Variants in PIKFYVE observed in about 807,000 individuals in gnomAD.
PIKFYVE encodes phosphoinositide kinase, FYVE-type zinc finger containing.
PIKFYVE carries 122 observed loss-of-function variants against 257.9 expected under a neutral mutation model. The observed-to-expected ratio is 0.47, with a 90% CI of 0.41 to 0.55. The LOEUF is 0.55. Ranked by LOEUF, PIKFYVE falls within the 20% of genes least tolerant of loss-of-function variation. The pLI is 0.00. For synonymous variants in PIKFYVE, 892 were observed against 868.9 expected, an observed-to-expected ratio of 1.03 and a Z score of -0.47; for missense variants, 2,160 against 2,536.6, an observed-to-expected ratio of 0.85 and a Z score of 3.19.
chr2:208,342,734 A>G, intron 32 of PIKFYVE, 85 bp downstream of exon 32: 1 of 1,087,776 alleles, frequency 9.2e-7, no homozygotes, highest in Non-Finnish European at 1.4e-6. Flanking sequence ...AATCTTTCAC[A>G]TAAAGCAAAA....
intron 21 of PIKFYVE, among the ~76,000 whole-genome samples, chr2:208,329,640 T>C (rs550220950): frequency 6.6e-6 from 1 of 152,326 alleles, no homozygotes; most frequent in Non-Finnish European, 1.5e-5. Flanking sequence ...CACTAGTGGA[T>C]TGGGAGTGAA....
intron 5 of PIKFYVE, among the ~76,000 whole-genome samples, chr2:208,279,634 A>G (rs1163729491): frequency 6.6e-6 from 1 of 152,192 alleles, no homozygotes; most frequent in Non-Finnish European, 1.5e-5. Context: ...CAGCTATTCC[A>G]GTGCCATTTA....
chr2:208,276,749 T>C lies in PIKFYVE; in HGVS notation c.360T>C (p.His120=). The C allele has an allele frequency of 1.2e-6, 2 of 1,613,778 alleles. No homozygotes were observed. Among genetic ancestry groups the C allele is most frequent in the Middle Eastern group, 1.7e-4 (1 of 6,060 alleles). The change falls in exon 4 of 42, where the codon CAT becomes CAC. Residue 120 remains histidine (H), a synonymous_variant. Coordinates refer to ENST00000264380, the MANE Select transcript of PIKFYVE (RefSeq NM_015040.4). ...AAGCAGAACCTACCTTTGGAGGTCA[T>C]GACCCTCGTACAGCTGTTCAGCTTC... ...RRKAEPTFGG[H]DPRTAVQLRS...
At chr2:208,342,414 T>A (rs1394517463) in intron 31 of PIKFYVE, 140 bp from the exon 32 acceptor site, 4 of 651,812 alleles carry the variant, frequency 6.1e-6, no homozygotes, top group Non-Finnish European at 7.9e-6. Context: ...ATTTTCTAAT[T>A]GCCTTCAAAA....
At chr2:208,305,311 T>A in intron 12 of PIKFYVE, 1 of 1,262,040 alleles carries the variant, frequency 7.9e-7, no homozygotes, top group African/African-American at 1.5e-5. Context: ...AGGTGGCATT[T>A]CTTTGCATTT....
At chr2:208,288,894 A>G in intron 7 of PIKFYVE, 76 bp downstream of exon 7, 1 of 1,557,574 alleles carries the variant, frequency 6.4e-7, no homozygotes, top group Non-Finnish European at 8.8e-7. Flanking sequence ...CAAACGGATA[A>G]AAAGGGTGGG....
chr2:208,305,308 A>G lies in PIKFYVE; in HGVS notation c.1636+295A>G, dbSNP rs185081064. On this transcript the variant is annotated intron_variant, in intron 12 of 41. Coordinates refer to ENST00000264380, the MANE Select transcript of PIKFYVE (RefSeq NM_015040.4). ...CATAATGTGCAACTTCCAAGGTGGC[A>G]TTTCTTTGCATTTATAACATGGATG... 1.3e-4 allele frequency: 166 copies of G among 1,260,236 alleles called. No individual in the cohort carries two copies. In the African/African-American group the frequency reaches 2.1e-3, roughly 16 times the overall value. The allele number at this position is 1,260,236 out of a possible 1,614,324, so 78.1% of individuals were successfully genotyped here.
chr2:208,288,658 G>A lies in PIKFYVE; in HGVS notation c.822-71G>A, dbSNP rs946945953. 7.5e-6 allele frequency: 12 copies of A among 1,592,250 alleles called. No homozygotes were observed. The African/African-American group carries it at 1.5e-4, about 20-fold the overall frequency. On this transcript the variant is annotated intron_variant, in intron 6 of 41. Coordinates refer to ENST00000264380, the MANE Select transcript of PIKFYVE (RefSeq NM_015040.4). Reference sequence around the variant, plus strand: ...GAAAAAGATTAAATCTGCTTTTAATGTTAAAGCGCCTCATTGAAATTCCCT... The same window carrying A: ...GAAAAAGATTAAATCTGCTTTTAATATTAAAGCGCCTCATTGAAATTCCCT...
chr2:208,292,196 T>A (rs1469608447), intron 7 of PIKFYVE, among the ~76,000 whole-genome samples: 1 of 152,112 alleles, frequency 6.6e-6, no homozygotes, highest in Admixed American at 6.5e-5. Flanking sequence ...AAATTTTTTA[T>A]GGTGTGTTTT....
chr2:208,286,785 G>A (rs1164303843), intron 6 of PIKFYVE, among the ~76,000 whole-genome samples: 1 of 151,686 alleles, frequency 6.6e-6, no homozygotes, highest in African/African-American at 2.4e-5. Flanking sequence ...TTCCCAAAGT[G>A]CTGAGATTAC....
At chr2:208,285,654 T>C in intron 5 of PIKFYVE, 72 bp from the exon 6 acceptor site, 2 of 1,342,208 alleles carry the variant, frequency 1.5e-6, no homozygotes, top group Non-Finnish European at 2.1e-6. Context: ...TTAAAAAAGT[T>C]ACGTTAAGCA....
chr2:208,295,587 A>C (rs1016616355), intron 7 of PIKFYVE, among the ~76,000 whole-genome samples: 2 of 152,194 alleles, frequency 1.3e-5, no homozygotes, highest in African/African-American at 4.8e-5. Flanking sequence ...GTTTATCAAA[A>C]GCTTCCTATG....
chr2:208,288,223 C>G (rs1372569519), intron 6 of PIKFYVE, among the ~76,000 whole-genome samples: 1 of 152,110 alleles, frequency 6.6e-6, no homozygotes, highest in Non-Finnish European at 1.5e-5. Context: ...CAGCATATCT[C>G]TGTGGTAGGC....
chr2:208,354,746 T>A, intron 41 of PIKFYVE, 101 bp downstream of exon 41: 1 of 907,862 alleles, frequency 1.1e-6, no homozygotes, highest in Non-Finnish European at 1.8e-6. Flanking sequence ...AAAAAATAAG[T>A]GGTTATCATT....
chr2:208,325,151 G>A, intron 19 of PIKFYVE, 114 bp downstream of exon 19: 2 of 1,568,694 alleles, frequency 1.3e-6, no homozygotes, highest in Non-Finnish European at 8.8e-7. Flanking sequence ...ATAGGCAACT[G>A]TGATCTTATT....
rs1258629628 is a variant in PIKFYVE at position 208,326,022 on chromosome 2, A to C, written c.3211A>C (p.Lys1071Gln). The change falls in exon 20 of 42, where the codon AAG (lysine) becomes CAG (glutamine). Residue 1071 changes from lysine (K) to glutamine (Q), a missense_variant. Lys to Gln is a moderately conservative substitution (Grantham distance 53, BLOSUM62 1). This residue lies in a region of PIKFYVE where 522 missense variants were observed against 514.6 expected (regional missense o/e 1.01). Transcript: ENST00000264380. ...CCGAGAACCCTTTCTTTTAACTGAA[A>C]AGGGGATGAGATGCTCTACCCGAGA... ...TFREPFLLTE[K>Q]GMRCSTRDYF... 14 of 1,614,180 alleles carry C rather than the reference A, an allele frequency of 8.7e-6. No homozygotes were observed. Among genetic ancestry groups the C allele is most frequent in the Non-Finnish European group, 1.2e-5 (14 of 1,180,024 alleles).
intron 3 of PIKFYVE, chr2:208,273,993 G>C: frequency 6.2e-7 from 1 of 1,606,760 alleles, no homozygotes; most frequent in Non-Finnish European, 8.5e-7. Flanking sequence ...ACTATTTTTT[G>C]ATTAATTACT....
chr2:208,339,683 T>C, intron 30 of PIKFYVE, 128 bp downstream of exon 30: 1 of 1,278,506 alleles, frequency 7.8e-7, no homozygotes. Context: ...ATTCATGCCT[T>C]GCTTTCTGTT....
rs753286935 is a variant in PIKFYVE, at chr2:208,324,264, G to C, written c.2313G>C (p.Leu771Phe). The stretch of plus-strand genomic sequence containing the variant: ...TGTTATTGGAACATGGCATTACTTT[G>C]GTCATTAATGTAAAGTCAGTGAGTG... ...QDMLLEHGIT[L>F]VINVKSQVLE... is the part of the protein sequence containing the mutation. The change falls in exon 18 of 42, where the codon TTG becomes TTC. Residue 771 changes from leucine to phenylalanine, a missense_variant. Transcript: ENST00000264380. The C allele has an allele frequency of 6.2e-7, 1 of 1,613,782 alleles. No individual in the cohort carries two copies. The highest frequency in any genetic ancestry group is 1.1e-5 in the South Asian group (1 of 91,052).
Sources: allele counts gnomAD v4.1 joint callset (sites outside exome capture counted in the v4.1 genomes callset), GRCh38; gene constraint gnomAD v4.1.1; regional missense constraint gnomAD v4.1.1; transcripts MANE v1.5; gene names NCBI Gene and HGNC (gene_info 2026-07-23, HGNC 2026-07-21).